COL16A1: variants seen among roughly 807,000 people sequenced by gnomAD.
COL16A1 encodes collagen alpha-1(XVI) chain.
In COL16A1, 189 loss-of-function variants were observed where a neutral mutation model predicts 266.3. That is an observed-to-expected ratio of 0.71 (90% CI 0.63 to 0.80). COL16A1 has a LOEUF of 0.80. Ranked by LOEUF, COL16A1 falls within the 30% of genes least tolerant of loss-of-function variation. COL16A1 has a pLI of 0.00. For missense variants in COL16A1, 1,928 were observed against 2,122.4 expected (o/e 0.91, Z 1.80); for synonymous variants, 740 against 782.3 (o/e 0.95, Z 0.90).
rs1457861848 is a variant in COL16A1 at position 31,668,781 on chromosome 1, C to A, written c.3249+21G>T. 4 of 1,613,696 alleles carry A rather than the reference C, an allele frequency of 2.5e-6. No homozygotes were observed. In the African/African-American group the frequency reaches 4.0e-5, roughly 16 times the overall value. On this transcript the variant is annotated intron_variant, in intron 50 of 70. Transcript: ENST00000373672. This position sits in a 1 kb window ranked among gnomAD's most constrained non-coding sequence, Gnocchi z 5.8. ...TTCCTCCCTTTCCAGCCCTTTCCAG[C>A]CCCTGCCAGCTTCTTCTTACCGGCT...
In COL16A1 at chr1:31,668,311, G is replaced by T. The variant is rs1642321952; in HGVS notation, c.3250-93C>A. ...GATGGCCAAAGCTAAAACCTCTGGG[G>T]CTGCCATCTAGCAGGTGCCAGCCTG... On this transcript the variant is annotated intron_variant, in intron 50 of 70. Coordinates refer to ENST00000373672, the MANE Select transcript of COL16A1 (RefSeq NM_001856.4). The surrounding 1 kb of genome is among the most constrained non-coding windows in gnomAD (Gnocchi z 5.8). 2.2e-6 allele frequency: 3 copies of T among 1,363,672 alleles called. No homozygotes were observed. The highest frequency in any genetic ancestry group is 1.2e-5 in the South Asian group (1 of 83,736). 84.5% of individuals were successfully genotyped at this position (1,363,672 alleles called of 1,614,324 possible).
intron 2 of COL16A1, chr1:31,701,600 C>T (rs958005548): frequency 3.6e-5 from 35 of 982,804 alleles, no homozygotes; most frequent in South Asian, 4.7e-5. Flanking sequence ...GTCTGGGCCT[C>T]GGGGTGGGCC....
chr1:31,688,688 G>T lies in COL16A1; in HGVS notation c.1767+173C>A. 1.9e-6 allele frequency: 2 copies of T among 1,070,856 alleles called. No individual in the cohort carries two copies. Among genetic ancestry groups the T allele is most frequent in the Non-Finnish European group, 2.8e-6 (2 of 722,120 alleles). The allele number at this position is 1,070,856 out of a possible 1,614,324, so 66.3% of individuals were successfully genotyped here. A position where few individuals can be genotyped will look rare whatever the true frequency, so the allele number is the denominator to read the frequency against. ...CTAAGAGGAAGTTCCAGGGCAAGGA[G>T]CCTGGGGCAGCACAGGGACGGAGGG... On this transcript the variant is annotated intron_variant, in intron 25 of 70. Transcript: ENST00000373672. This position sits in a 1 kb window ranked among gnomAD's most constrained non-coding sequence, Gnocchi z 4.9.
At chr1:31,674,869 A>G in intron 44 of COL16A1, 138 bp downstream of exon 44, 1 of 1,392,040 alleles carries the variant, frequency 7.2e-7, no homozygotes, top group Middle Eastern at 2.1e-4. Context: ...AGGCCCTCTT[A>G]GACAGATGCT....
At chr1:31,691,961 C>G in intron 17 of COL16A1, 44 bp downstream of exon 17, 1 of 1,613,116 alleles carries the variant, frequency 6.2e-7, no homozygotes, top group Admixed American at 1.7e-5. Flanking sequence ...CATTCTCAGA[C>G]CCCGTGCTGT....
intron 61 of COL16A1, 114 bp downstream of exon 61, chr1:31,660,952 G>T: frequency 4.2e-6 from 5 of 1,202,420 alleles, no homozygotes; most frequent in Non-Finnish European, 5.8e-6. Context: ...CTCCCAGAAG[G>T]CTGAGGACAG....
chr1:31,670,466 C>A lies in COL16A1; in HGVS notation c.3195+136G>T. On this transcript the variant is annotated intron_variant, in intron 49 of 70. Transcript: ENST00000373672. The surrounding 1 kb of genome is among the most constrained non-coding windows in gnomAD (Gnocchi z 4.5). ...TGCCGGGACCTCAGAGAACCCGTGT[C>A]GTTAGCTACCGTGCCTGAAGGGGGA... 6.1e-6 allele frequency: 7 copies of A among 1,153,538 alleles called. No individual in the cohort carries two copies. The highest frequency in any genetic ancestry group is 7.9e-6 in the Non-Finnish European group (7 of 889,148). The allele number at this position is 1,153,538 out of a possible 1,614,324, so 71.5% of individuals were successfully genotyped here.
In COL16A1 at chr1:31,702,188, C is replaced by T; in HGVS notation, c.6G>A (p.Trp2Ter). The change falls in exon 2 of 71, where the codon TGG becomes TGA. Residue 2 changes from tryptophan to a stop codon, truncating the protein, a stop_gained. Transcript: ENST00000373672. LOFTEE classifies it high-confidence loss of function. The part of the protein sequence containing the change: M[W>*]VSWAPGLWLL... ...GCCACAGGCCAGGAGCCCAGGATAC[C>T]CACATCCCGGTCCAAAGAGGTCAGC... The T allele has an allele frequency of 1.2e-6, 2 of 1,614,082 alleles. No homozygotes were observed. The highest frequency in any genetic ancestry group is 1.7e-6 in the Non-Finnish European group (2 of 1,179,986).
At chr1:31,700,694 C>T (rs987389671) in intron 2 of COL16A1, among the ~76,000 whole-genome samples, 2 of 152,176 alleles carry the variant, frequency 1.3e-5, no homozygotes, top group East Asian at 3.8e-4. Context: ...GCAATAGGAA[C>T]GTCCTACATC....
At chr1:31,654,643 CA>C (rs1640944613) in intron 68 of COL16A1, 148 bp downstream of exon 68, 2 of 1,445,350 alleles carry the variant, frequency 1.4e-6, no homozygotes, top group Non-Finnish European at 1.9e-6. Context: ...GATAATTGAA[CA>C]TCTGCCTGTC....
chr1:31,668,037 A>T lies in COL16A1; in HGVS notation c.3303+128T>A. On this transcript the variant is annotated intron_variant, in intron 51 of 70. Coordinates refer to ENST00000373672, the MANE Select transcript of COL16A1 (RefSeq NM_001856.4). This position sits in a 1 kb window ranked among gnomAD's most constrained non-coding sequence, Gnocchi z 5.8. ...GAGGGGGCTGCATGGACTTTAGGCAAAGGAGGAGGCTGAAATGCCCGGTAA... is the reference window on the plus strand; with the variant it reads ...GAGGGGGCTGCATGGACTTTAGGCATAGGAGGAGGCTGAAATGCCCGGTAA... The T allele has an allele frequency of 1.3e-6, 1 of 776,444 alleles. No individual in the cohort carries two copies. Among genetic ancestry groups the T allele is most frequent in the Non-Finnish European group, 2.1e-6 (1 of 477,870 alleles). 48.1% of individuals were successfully genotyped at this position (776,444 alleles called of 1,614,324 possible).
chr1:31,687,484 A>C (rs1038383210), intron 26 of COL16A1, among the ~76,000 whole-genome samples: 1 of 151,218 alleles, frequency 6.6e-6, no homozygotes, highest in Admixed American at 6.6e-5. Context: ...TACAGTGGCC[A>C]CGGGCAGGCC....
At position 31,697,349 on chromosome 1, in the gene COL16A1, T is replaced by C. The variant is rs777714916; in HGVS notation, c.658-49A>G. ...TTCACTTCATTTTATCAAATAGCTC[T>C]GTGTCCTGGCCCCCCAGGAGGCACA... On this transcript the variant is annotated intron_variant, in intron 6 of 70. Transcript: ENST00000373672. The surrounding 1 kb of genome is among the most constrained non-coding windows in gnomAD (Gnocchi z 4.2). 1 of 1,532,294 alleles carries C rather than the reference T, an allele frequency of 6.5e-7. No homozygotes were observed. Among genetic ancestry groups the C allele is most frequent in the Non-Finnish European group, 8.9e-7 (1 of 1,129,660 alleles). The allele number at this position is 1,532,294 out of a possible 1,614,324, so 94.9% of individuals were successfully genotyped here.
intron 60 of COL16A1, 54 bp downstream of exon 60, chr1:31,661,360 C>T: frequency 6.2e-7 from 1 of 1,612,912 alleles, no homozygotes; most frequent in Non-Finnish European, 8.5e-7. Context: ...TGCCTGGGGG[C>T]AAGCCTTCAG....
chr1:31,676,507 G>A (rs968692176), intron 42 of COL16A1, among the ~76,000 whole-genome samples: 1 of 152,060 alleles, frequency 6.6e-6, no homozygotes, highest in Admixed American at 6.6e-5. Flanking sequence ...GCAAGGGTGG[G>A]TACTTGCCAG....
intron 2 of COL16A1, chr1:31,701,543 C>A (rs1306416524): frequency 3.0e-6 from 3 of 985,422 alleles, no homozygotes; most frequent in Non-Finnish European, 3.6e-6. Flanking sequence ...CGGTCAACTT[C>A]CCCTGGCTTT....
intron 12 of COL16A1, 22 bp downstream of exon 12, chr1:31,694,122 C>A: frequency 1.3e-6 from 2 of 1,599,906 alleles, no homozygotes; most frequent in Non-Finnish European, 1.7e-6. Context: ...ACGGGAATGT[C>A]CCGTTCTCCA....
At chr1:31,680,955 G>A (rs571115649) in intron 38 of COL16A1, 24 bp from the exon 39 acceptor site, 2 of 1,614,052 alleles carry the variant, frequency 1.2e-6, no homozygotes, top group South Asian at 2.2e-5. Flanking sequence ...ACACAGGAAG[G>A]TGAGCAGATA....
chr1:31,692,241 C>G (rs2148810469), intron 16 of COL16A1, among the ~76,000 whole-genome samples, 174 bp from the exon 17 acceptor site: 1 of 152,046 alleles, frequency 6.6e-6, no homozygotes. Flanking sequence ...ACAGGTAGAA[C>G]TTCCAAACCA....
Sources: allele counts gnomAD v4.1 joint callset (sites outside exome capture counted in the v4.1 genomes callset), GRCh38; gene constraint gnomAD v4.1.1; non-coding constraint Gnocchi (gnomAD v3.1); transcripts MANE v1.5; gene names NCBI Gene and HGNC (gene_info 2026-07-23, HGNC 2026-07-21).